Variants in AGBL1 observed in about 807,000 individuals in gnomAD.
AGBL1 encodes cytosolic carboxypeptidase 4.
A neutral mutation model predicts 118.9 loss-of-function variants in AGBL1; 130 were observed. That is an observed-to-expected ratio of 1.09 (90% CI 0.95 to 1.26). The LOEUF (loss-of-function observed/expected upper bound fraction) is 1.26, where lower values mean the gene tolerates loss of function less well. AGBL1 is among the 50% of genes most tolerant of loss of function. AGBL1 has a pLI of 0.00. For missense variants in AGBL1, 1,584 were observed against 1,298.1 expected, an observed-to-expected ratio of 1.22 and a Z score of -3.38; for synonymous variants, 555 against 478.9, an observed-to-expected ratio of 1.16 and a Z score of -2.08.
chr15:86,402,020 G>A (rs938525428), intron 18 of AGBL1, among the ~76,000 whole-genome samples: 4 of 150,166 alleles, frequency 2.7e-5, no homozygotes, highest in African/African-American at 1.0e-4. Context: ...ATTACATTGA[G>A]TCTGTAGACT....
intron 23 of AGBL1, among the ~76,000 whole-genome samples, chr15:86,963,545 A>G (rs1319548823): frequency 1.3e-5 from 2 of 152,062 alleles, no homozygotes; most frequent in African/African-American, 4.8e-5. Context: ...TTACAAAGTT[A>G]TAGCAAGAAG....
chr15:86,755,694 T>C (rs1331001401), intron 22 of AGBL1, among the ~76,000 whole-genome samples: 2 of 152,162 alleles, frequency 1.3e-5, no homozygotes, highest in Non-Finnish European at 2.9e-5. Context: ...TCATGTACTT[T>C]CCTGCCTGAC....
downstream of AGBL1, among the ~76,000 whole-genome samples, chr15:87,031,348 A>T (rs1014003567): frequency 1.3e-5 from 2 of 152,028 alleles, no homozygotes; most frequent in Non-Finnish European, 2.9e-5. Flanking sequence ...GATATTTCTC[A>T]TGAAAAATAT....
At chr15:86,558,120 A>G (rs183373674) in intron 21 of AGBL1, among the ~76,000 whole-genome samples, 1 of 152,210 alleles carries the variant, frequency 6.6e-6, no homozygotes, top group East Asian at 1.9e-4. Context: ...CAGGTATGGA[A>G]TCTCTTATGG....
intron 22 of AGBL1, among the ~76,000 whole-genome samples, chr15:86,717,493 C>G (rs923140535): frequency 6.6e-6 from 1 of 152,070 alleles, no homozygotes; most frequent in Non-Finnish European, 1.5e-5. Context: ...AAGATAAGCA[C>G]ATTTAGTTCT....
At chr15:86,570,537 C>T (rs1038354994) in intron 21 of AGBL1, among the ~76,000 whole-genome samples, 2 of 152,178 alleles carry the variant, frequency 1.3e-5, no homozygotes, top group African/African-American at 4.8e-5. Context: ...CCCATTTTTA[C>T]ACCAAATATG....
At chr15:86,455,651 A>G (rs2082250343) in intron 18 of AGBL1, among the ~76,000 whole-genome samples, 1 of 152,182 alleles carries the variant, frequency 6.6e-6, no homozygotes, top group African/African-American at 2.4e-5. Flanking sequence ...ATAAAAGCTA[A>G]CATTTGTGCT....
intron 22 of AGBL1, among the ~76,000 whole-genome samples, chr15:86,721,473 T>G (rs1047830028): frequency 1.3e-5 from 2 of 152,174 alleles, no homozygotes; most frequent in Non-Finnish European, 2.9e-5. Context: ...AAACTCTCAA[T>G]AAATTAGGTA....
intron 24 of AGBL1, among the ~76,000 whole-genome samples, chr15:86,994,436 A>G (rs946303685): frequency 2.6e-5 from 4 of 152,182 alleles, no homozygotes; most frequent in Non-Finnish European, 5.9e-5. Flanking sequence ...ATGAATAGTT[A>G]GAAAAGAGAG....
At chr15:86,383,247 TAAAA>T (rs4035838) in intron 17 of AGBL1, among the ~76,000 whole-genome samples, 4 of 54,478 alleles carry the variant, frequency 7.3e-5, no homozygotes, top group Non-Finnish European at 6.2e-5. Context: ...ATTCAGTATG[TAAAA>T]AAAAAAAAAA....
intron 6 of AGBL1, among the ~76,000 whole-genome samples, chr15:86,233,115 T>C (rs1295470273): frequency 6.6e-6 from 1 of 152,184 alleles, no homozygotes; most frequent in Non-Finnish European, 1.5e-5. Context: ...AACGAAGAGC[T>C]AAAATTTGAA....
At chr15:86,250,450 C>G (rs1266969923) in intron 7 of AGBL1, among the ~76,000 whole-genome samples, 2 of 139,422 alleles carry the variant, frequency 1.4e-5, no homozygotes, top group African/African-American at 2.7e-5. Flanking sequence ...TGCTTGAACC[C>G]AGGAAGTGGA....
intron 24 of AGBL1, among the ~76,000 whole-genome samples, chr15:86,993,347 G>A (rs1298514796): frequency 6.6e-6 from 1 of 151,940 alleles, no homozygotes; most frequent in Non-Finnish European, 1.5e-5. Flanking sequence ...ACTATATATT[G>A]GACACTGTGA....
chr15:86,227,243 A>G (rs1279524323), intron 6 of AGBL1, among the ~76,000 whole-genome samples: 3 of 152,368 alleles, frequency 2.0e-5, no homozygotes, highest in Non-Finnish European at 4.4e-5. Context: ...TCCTCCACAT[A>G]TAAAACGGGT....
chr15:86,290,937 G>A (rs184118179), intron 16 of AGBL1, among the ~76,000 whole-genome samples: 9 of 151,844 alleles, frequency 5.9e-5, no homozygotes, highest in East Asian at 5.8e-4. Context: ...GAGAATATGC[G>A]GTGTTTGGTT....
intron 22 of AGBL1, among the ~76,000 whole-genome samples, chr15:86,684,444 G>T (rs2086016896): frequency 6.7e-6 from 1 of 149,740 alleles, no homozygotes; most frequent in African/African-American, 2.5e-5. Flanking sequence ...ACTTTAGTTA[G>T]TACCTAGCAT....
At chr15:86,280,394 C>A (rs2079332149) in intron 16 of AGBL1, among the ~76,000 whole-genome samples, 1 of 152,146 alleles carries the variant, frequency 6.6e-6, no homozygotes, top group South Asian at 2.1e-4. Context: ...AGTGCAGACT[C>A]ACAGTTAGCA....
chr15:86,758,529 A>G (rs558532414), intron 22 of AGBL1, among the ~76,000 whole-genome samples: 1 of 152,152 alleles, frequency 6.6e-6, no homozygotes, highest in Non-Finnish European at 1.5e-5. Flanking sequence ...GCTTTTGCAA[A>G]CCATTGTGGT....
At chr15:86,221,283 C>T (rs965156304) in intron 5 of AGBL1, among the ~76,000 whole-genome samples, 2 of 152,156 alleles carry the variant, frequency 1.3e-5, no homozygotes, top group African/African-American at 2.4e-5. Flanking sequence ...CAGATGTGCA[C>T]ATCCAGCAGA....
Sources: gnomAD v4.1 joint callset for allele counts (sites outside exome capture counted in the v4.1 genomes callset) on GRCh38, gnomAD v4.1.1 for gene constraint, MANE v1.5 for transcripts, NCBI Gene and HGNC (gene_info 2026-07-23, HGNC 2026-07-21) for gene names.